Variants in BMPR2 observed in about 807,000 individuals in gnomAD.
The protein encoded by BMPR2 is bone morphogenetic protein receptor type 2, also known as bone morphogenetic protein receptor type-2.
Under a neutral mutation model 100.8 loss-of-function variants are expected in BMPR2, and 29 were observed. The observed-to-expected ratio is 0.29, with a 90% CI of 0.21 to 0.39. The LOEUF (loss-of-function observed/expected upper bound fraction) is 0.39, where lower values mean the gene tolerates loss of function less well. Ranked by LOEUF, BMPR2 falls within the 10% of genes least tolerant of loss-of-function variation. The pLI, the probability that BMPR2 is intolerant of heterozygous loss-of-function variation, is 1.00. For synonymous variants in BMPR2, 382 were observed against 442.3 expected (o/e 0.86, Z 1.71); for missense variants, 1,011 against 1,274.5 (o/e 0.79, Z 3.15).
Position 202,530,177 on chromosome 2 carries a change from A to C in BMPR2, c.968-617A>C, listed in dbSNP as rs181402796. 3.2e-3 allele frequency among the ~76,000 whole-genome samples: 487 copies of C among 152,294 alleles called. 2 individuals carry two copies. The highest frequency in any genetic ancestry group is 0.011 in the African/African-American group (472 of 41,560). The stretch of plus-strand genomic sequence containing the variant: ...ATAAAAAAGTAATAGAAGGAGCATA[A>C]TACTACTTTGCTTCTGTAAAATCAG... On this transcript the variant is annotated intron_variant, in intron 7 of 12. Coordinates refer to ENST00000374580, the MANE Select transcript of BMPR2 (RefSeq NM_001204.7).
At chr2:202,396,328 C>T (rs1690655460) in intron 1 of BMPR2, among the ~76,000 whole-genome samples, 1 of 152,192 alleles carries the variant, frequency 6.6e-6, no homozygotes, top group Admixed American at 6.5e-5. Context: ...TTGCTGTACT[C>T]AGCTCTGAAG....
intron 1 of BMPR2, among the ~76,000 whole-genome samples, chr2:202,405,019 C>T (rs567554342): frequency 5.9e-5 from 9 of 152,000 alleles, no homozygotes; most frequent in East Asian, 3.9e-4. Flanking sequence ...GACAGGGTCT[C>T]GCTATGTTGC....
intron 1 of BMPR2, among the ~76,000 whole-genome samples, chr2:202,436,998 T>C (rs1691626992): frequency 6.6e-6 from 1 of 150,444 alleles, no homozygotes; most frequent in Non-Finnish European, 1.5e-5. Context: ...ATTTTGGGGC[T>C]TCCTCAAAAA....
intron 9 of BMPR2, among the ~76,000 whole-genome samples, chr2:202,536,892 A>G (rs1350273003): frequency 6.7e-6 from 1 of 149,590 alleles, no homozygotes; most frequent in African/African-American, 2.5e-5. Flanking sequence ...AAAAAAAAAG[A>G]AGTACTTTTT....
intron 1 of BMPR2, among the ~76,000 whole-genome samples, chr2:202,405,619 C>T (rs548329802): frequency 2.2e-4 from 30 of 134,960 alleles, no homozygotes; most frequent in Non-Finnish European, 4.0e-4. Flanking sequence ...ACTTGGGAGG[C>T]GGAACTTGCA....
intron 3 of BMPR2, among the ~76,000 whole-genome samples, chr2:202,485,870 T>C (rs889287083): frequency 6.6e-6 from 1 of 151,964 alleles, no homozygotes; most frequent in Non-Finnish European, 1.5e-5. Flanking sequence ...TATAAGGACA[T>C]CTGTCCTTGA....
chr2:202,554,457 C>G (rs1238720538), intron 11 of BMPR2, among the ~76,000 whole-genome samples: 2 of 152,282 alleles, frequency 1.3e-5, no homozygotes, highest in Middle Eastern at 3.4e-3. Context: ...TACGCTAACT[C>G]TAGGTTTTAT....
At chr2:202,401,276 C>G (rs1466257498) in intron 1 of BMPR2, among the ~76,000 whole-genome samples, 1 of 152,216 alleles carries the variant, frequency 6.6e-6, no homozygotes, top group Admixed American at 6.5e-5. Flanking sequence ...GTGGCAATAC[C>G]TGAAAGGAAC....
In BMPR2 at chr2:202,560,272, G is replaced by T; in HGVS notation, c.*326G>T. 1 of 321,274 alleles carries T rather than the reference G, an allele frequency of 3.1e-6. No individual in the cohort carries two copies. The highest frequency in any genetic ancestry group is 5.9e-6 in the Non-Finnish European group (1 of 168,980). The allele number at this position is 321,274 out of a possible 1,614,324, so 19.9% of individuals were successfully genotyped here. Reference sequence around the variant, plus strand: ...AGAAAAAAAGCAAAAACAATGTATTGCTGATAATCAGTTTGGACCAGTTTC... The same window carrying T: ...AGAAAAAAAGCAAAAACAATGTATTTCTGATAATCAGTTTGGACCAGTTTC... On this transcript the variant is annotated 3_prime_UTR_variant, in exon 13 of 13. Transcript: ENST00000374580.
intron 1 of BMPR2, among the ~76,000 whole-genome samples, chr2:202,435,324 A>G (rs1691592339): frequency 6.9e-6 from 1 of 144,062 alleles, no homozygotes; most frequent in South Asian, 2.1e-4. Context: ...AGATCATGCC[A>G]CTGCACTCCA....
At chr2:202,526,688 A>C (rs1687917359) in intron 7 of BMPR2, among the ~76,000 whole-genome samples, 2 of 152,220 alleles carry the variant, frequency 1.3e-5, no homozygotes, top group South Asian at 4.1e-4. Flanking sequence ...TAATTTAGCA[A>C]GGTTTCAAGT....
At chr2:202,450,695 A>G (rs1691962026) in intron 1 of BMPR2, among the ~76,000 whole-genome samples, 1 of 151,398 alleles carries the variant, frequency 6.6e-6, no homozygotes, top group Non-Finnish European at 1.5e-5. Context: ...CCATCTCAAA[A>G]AAAAAAAAAA....
Position 202,502,597 on chromosome 2 carries a change from C to T in BMPR2, c.419-11122C>T, listed in dbSNP as rs193169807. On this transcript the variant is annotated intron_variant, in intron 3 of 12. Coordinates refer to ENST00000374580, the MANE Select transcript of BMPR2 (RefSeq NM_001204.7). ...GTGGATCTTCAACCCGTATCTACCTCTCAAACAGTTTGCAAGAAATAACAA... is the reference window on the plus strand; with the variant it reads ...GTGGATCTTCAACCCGTATCTACCTTTCAAACAGTTTGCAAGAAATAACAA... Among the ~76,000 whole-genome samples, 137 of 152,326 alleles carry T rather than the reference C, an allele frequency of 9.0e-4. 1 individual carries two copies. Among genetic ancestry groups the T allele is most frequent in the African/African-American group, 3.1e-3 (130 of 41,582 alleles).
At chr2:202,531,262 C>T (rs932462870) in intron 8 of BMPR2, among the ~76,000 whole-genome samples, 4 of 152,220 alleles carry the variant, frequency 2.6e-5, no homozygotes, top group African/African-American at 9.6e-5. Context: ...GAGATTGTGC[C>T]ACTGCACTCC....
At chr2:202,452,679 A>G (rs967647911) in intron 1 of BMPR2, among the ~76,000 whole-genome samples, 1 of 152,244 alleles carries the variant, frequency 6.6e-6, no homozygotes, top group Non-Finnish European at 1.5e-5. Flanking sequence ...AAGTACATCA[A>G]TAATTTACTT....
chr2:202,382,062 T>TTG (rs1297041115), intron 1 of BMPR2, among the ~76,000 whole-genome samples: 3 of 146,382 alleles, frequency 2.0e-5, no homozygotes, highest in African/African-American at 7.7e-5. Flanking sequence ...GTTTTTGTTT[T>TTG]TTTTTTTTTT....
In BMPR2 at chr2:202,389,883, G is replaced by T. The variant is rs186986948; in HGVS notation, c.76+12333G>T. On this transcript the variant is annotated intron_variant, in intron 1 of 12. Coordinates refer to ENST00000374580, the MANE Select transcript of BMPR2 (RefSeq NM_001204.7). The stretch of plus-strand genomic sequence containing the variant: ...TCGAACTCCTGACCTCAGGTGATCC[G>T]CCCGCCTCAGCCTCCCAAAGTGCTG... 4.7e-3 allele frequency among the ~76,000 whole-genome samples: 715 copies of T among 151,494 alleles called. 2 individuals are homozygous for T. Among genetic ancestry groups the T allele is most frequent in the Non-Finnish European group, 8.0e-3 (540 of 67,836 alleles).
chr2:202,392,353 G>A (rs1407976031), intron 1 of BMPR2, among the ~76,000 whole-genome samples: 1 of 152,102 alleles, frequency 6.6e-6, no homozygotes, highest in East Asian at 1.9e-4. Flanking sequence ...TTACAGGCGT[G>A]AGCCACTGTG....
chr2:202,417,093 C>T (rs994435051), intron 1 of BMPR2, among the ~76,000 whole-genome samples: 2 of 152,072 alleles, frequency 1.3e-5, no homozygotes, highest in African/African-American at 4.8e-5. Context: ...GCCTTGGCCT[C>T]CCAAAATGCT....
Sources: allele counts gnomAD v4.1 joint callset (sites outside exome capture counted in the v4.1 genomes callset), GRCh38; gene constraint gnomAD v4.1.1; transcripts MANE v1.5; gene names NCBI Gene and HGNC (gene_info 2026-07-23, HGNC 2026-07-21).